DAB1: variants seen among roughly 807,000 people sequenced by gnomAD.
DAB1 encodes DAB adaptor protein 1.
DAB1 carries 15 observed loss-of-function variants against 64.6 expected under a neutral mutation model. That is an observed-to-expected ratio of 0.23 (90% CI 0.16 to 0.36). DAB1 has a LOEUF of 0.36. Ranked by LOEUF, DAB1 falls within the 10% of genes least tolerant of loss-of-function variation. DAB1 has a pLI of 1.00. For synonymous variants in DAB1, 235 were observed against 251.9 expected, an observed-to-expected ratio of 0.93 and a Z score of 0.64; for missense variants, 596 against 706.7, an observed-to-expected ratio of 0.84 and a Z score of 1.78.
chr1:57,341,209 T>C (rs1677552657), intron 1 of DAB1, among the ~76,000 whole-genome samples: 1 of 152,156 alleles, frequency 6.6e-6, no homozygotes, highest in African/African-American at 2.4e-5. Context: ...TTAACCCCCA[T>C]GTGCCATCTC....
intron 11 of DAB1, among the ~76,000 whole-genome samples, chr1:57,017,793 C>T (rs7514916): frequency 0.044 from 6,705 of 152,254 alleles, 153 homozygotes; most frequent in African/African-American, 0.064. Flanking sequence ...TAGCTTGCCT[C>T]GCCCATGGCA....
At chr1:57,135,993 C>T (rs1182980779) in intron 4 of DAB1, among the ~76,000 whole-genome samples, 2 of 152,144 alleles carry the variant, frequency 1.3e-5, no homozygotes, top group Non-Finnish European at 2.9e-5. Flanking sequence ...TTAATTGCAG[C>T]TGTAAGGTTG....
intron 1 of DAB1, among the ~76,000 whole-genome samples, chr1:57,343,583 G>A (rs796725110): frequency 6.6e-6 from 1 of 152,324 alleles, no homozygotes; most frequent in African/African-American, 2.4e-5. Context: ...TGCAGGTCCC[G>A]AGCCCTGCCC....
At chr1:57,881,106 C>G (rs1644137288) in intron 1 of DAB1, among the ~76,000 whole-genome samples, 1 of 152,120 alleles carries the variant, frequency 6.6e-6, no homozygotes, top group Non-Finnish European at 1.5e-5. Context: ...CTTTACTTCA[C>G]TAAGCTGTTG....
chr1:57,592,641 T>G (rs758933340), intron 7 of DAB1, among the ~76,000 whole-genome samples: 2 of 152,148 alleles, frequency 1.3e-5, no homozygotes, highest in African/African-American at 4.8e-5. Context: ...GTAGACAGCT[T>G]GGGCTGCCAG....
Position 57,000,040 on chromosome 1 carries a change from CTT to C in DAB1, c.*16-1914_*16-1913del, listed in dbSNP as rs397863684. On this transcript the variant is annotated intron_variant, in intron 14 of 14. Coordinates refer to ENST00000371236, the MANE Select transcript of DAB1 (RefSeq NM_001365792.1). The stretch of plus-strand genomic sequence containing the variant: ...GTTACCACTTGCCAGTTCCTTCTGC[CTT>C]TTTTTTTTTTTTTTTTTTTGAGATG... Among the ~76,000 whole-genome samples the C allele has an allele frequency of 3.4e-3, 378 of 112,410 alleles. 1 individual carries two copies. Among genetic ancestry groups the C allele is most frequent in the Admixed American group, 6.0e-3 (61 of 10,128 alleles). 73.7% of individuals were successfully genotyped at this position (112,410 alleles called of 152,430 possible). A position where few individuals can be genotyped will look rare whatever the true frequency, so the allele number is the denominator to read the frequency against.
At chr1:57,281,537 C>T (rs1339722385) in intron 2 of DAB1, among the ~76,000 whole-genome samples, 1 of 152,108 alleles carries the variant, frequency 6.6e-6, no homozygotes, top group East Asian at 1.9e-4. Context: ...GTGAGGAATG[C>T]GCCTGGACAG....
chr1:57,947,882 C>T (rs1302229864), intron 5 of DAB1, among the ~76,000 whole-genome samples: 4 of 152,210 alleles, frequency 2.6e-5, no homozygotes, highest in Non-Finnish European at 4.4e-5. Context: ...CAATCCCAAA[C>T]TAAAATAAAC....
Position 57,970,763 on chromosome 1 carries a change from G to A in DAB1, n.388-86601C>T, listed in dbSNP as rs1214801724. 2.0e-5 allele frequency among the ~76,000 whole-genome samples: 3 copies of A among 151,946 alleles called. No homozygotes were observed. The East Asian group carries it at 5.8e-4, about 29-fold the overall frequency. On this transcript the variant is annotated intron_variant and non_coding_transcript_variant, in intron 5 of 20. Transcript: ENST00000485760. ...AGGAACTTTGATATCTTAGATTTCT[G>A]GTGCAATGACCTTTATGGAAACTCA... is the stretch of plus-strand genomic sequence containing the variant.
chr1:57,365,113 G>GTA (rs1169956949), intron 1 of DAB1, among the ~76,000 whole-genome samples: 1 of 141,026 alleles, frequency 7.1e-6, no homozygotes, highest in Non-Finnish European at 1.5e-5. Context: ...TATATACTTT[G>GTA]TATATATAGA....
intron 1 of DAB1, among the ~76,000 whole-genome samples, chr1:57,382,773 T>C (rs994137489): frequency 1.3e-5 from 2 of 152,160 alleles, no homozygotes; most frequent in African/African-American, 4.8e-5. Flanking sequence ...TAATCCAAGA[T>C]CTTCATATCA....
At chr1:57,935,046 C>G (rs986701202) in intron 5 of DAB1, among the ~76,000 whole-genome samples, 1 of 152,218 alleles carries the variant, frequency 6.6e-6, no homozygotes, top group Admixed American at 6.5e-5. Context: ...AAGTTAAACT[C>G]AAAGCCTAAT....
intron 1 of DAB1, among the ~76,000 whole-genome samples, chr1:57,380,829 A>C (rs1407068894): frequency 6.6e-6 from 1 of 152,188 alleles, no homozygotes; most frequent in Admixed American, 6.5e-5. Context: ...CAATAAAAGG[A>C]TATTCTCAAC....
At chr1:58,297,278 T>G (rs1451516940) in intron 4 of DAB1, among the ~76,000 whole-genome samples, 1 of 152,132 alleles carries the variant, frequency 6.6e-6, no homozygotes, top group Non-Finnish European at 1.5e-5. Flanking sequence ...AAAGCTGAGA[T>G]GAGTATTTTA....
chr1:57,112,348 T>C (rs1008931931), intron 4 of DAB1, among the ~76,000 whole-genome samples: 2 of 152,208 alleles, frequency 1.3e-5, no homozygotes, highest in Admixed American at 1.3e-4. Flanking sequence ...GGGAAGCTTA[T>C]TGTGGTCTCT....
chr1:57,785,143 G>A (rs142567044), intron 6 of DAB1, among the ~76,000 whole-genome samples: 1 of 152,120 alleles, frequency 6.6e-6, no homozygotes, highest in East Asian at 1.9e-4. Context: ...ATCTGTTTAT[G>A]GTATAATTTA....
At chr1:58,105,168 G>A (rs1427216911) in intron 5 of DAB1, among the ~76,000 whole-genome samples, 1 of 152,244 alleles carries the variant, frequency 6.6e-6, no homozygotes, top group Admixed American at 6.5e-5. Context: ...GGCTGCTGAA[G>A]AAGGCAGAGT....
At chr1:57,352,368 T>C (rs1413053025) in intron 1 of DAB1, among the ~76,000 whole-genome samples, 2 of 152,188 alleles carry the variant, frequency 1.3e-5, no homozygotes, top group Non-Finnish European at 2.9e-5. Flanking sequence ...TTACAGCAAC[T>C]TGAAAATTTG....
At chr1:58,343,985 T>C (rs1369043039) in intron 3 of DAB1, among the ~76,000 whole-genome samples, 2 of 152,182 alleles carry the variant, frequency 1.3e-5, no homozygotes, top group Admixed American at 6.6e-5. Flanking sequence ...ACCTGACATA[T>C]AGTGGGCACT....
Sources: gnomAD v4.1 joint callset for allele counts (sites outside exome capture counted in the v4.1 genomes callset) on GRCh38, gnomAD v4.1.1 for gene constraint, MANE v1.5 for transcripts, NCBI Gene and HGNC (gene_info 2026-07-23, HGNC 2026-07-21) for gene names.